The following WDFY2 variants were observed in gnomAD, a reference collection of about 807,000 sequenced individuals.
WDFY2 encodes WD repeat and FYVE domain-containing protein 2.
WDFY2 carries 36 observed loss-of-function variants against 56.4 expected under a neutral mutation model. The observed-to-expected ratio is 0.64, with a 90% CI of 0.49 to 0.84. The LOEUF (loss-of-function observed/expected upper bound fraction) is 0.84. WDFY2 is among the 40% of genes least tolerant of loss of function. The pLI, the probability that WDFY2 is intolerant of heterozygous loss-of-function variation, is 0.00. For missense variants in WDFY2, 444 were observed against 512.2 expected (o/e 0.87, Z 1.29); for synonymous variants, 176 against 183.7 (o/e 0.96, Z 0.34).
intron 6 of WDFY2, among the ~76,000 whole-genome samples, chr13:51,734,211 G>A (rs1952785803): frequency 6.6e-6 from 1 of 151,974 alleles, no homozygotes; most frequent in African/African-American, 2.4e-5. Flanking sequence ...ACTTTTGCAA[G>A]GTATGTGGTA....
chr13:51,683,450 G>A (rs185797133), intron 3 of WDFY2, among the ~76,000 whole-genome samples: 4 of 152,272 alleles, frequency 2.6e-5, no homozygotes, highest in Admixed American at 2.6e-4. Context: ...GTGAACCATG[G>A]TTCCCATGTC....
chr13:51,585,655 GTAT>G (rs1042773867), intron 1 of WDFY2, among the ~76,000 whole-genome samples: 1 of 152,208 alleles, frequency 6.6e-6, no homozygotes, highest in Admixed American at 6.5e-5. Context: ...CTTGAAGATA[GTAT>G]TATGATAATT....
intron 4 of WDFY2, among the ~76,000 whole-genome samples, chr13:51,717,002 A>T (rs1952368481): frequency 6.6e-6 from 1 of 152,230 alleles, no homozygotes; most frequent in African/African-American, 2.4e-5. Flanking sequence ...ATTCCCAGCA[A>T]ACTAGGACTA....
chr13:51,730,252 G>A (rs1030837811), intron 6 of WDFY2, among the ~76,000 whole-genome samples: 1 of 152,062 alleles, frequency 6.6e-6, no homozygotes, highest in African/African-American at 2.4e-5. Context: ...TCGTTATTAC[G>A]CCACTGAAAC....
In WDFY2 at chr13:51,762,033, A is replaced by G. The variant is rs1953600097; in HGVS notation, c.*2264A>G. Reference sequence around the variant, plus strand: ...AGGGAATTAAATTTAAAATATTCAAATATCTATTTTGTAGTTTATTACTAG... The same window carrying G: ...AGGGAATTAAATTTAAAATATTCAAGTATCTATTTTGTAGTTTATTACTAG... On this transcript the variant is annotated 3_prime_UTR_variant, in exon 12 of 12. Coordinates refer to ENST00000298125, the MANE Select transcript of WDFY2 (RefSeq NM_052950.4). 1 of 152,244 alleles carries G rather than the reference A, an allele frequency of 6.6e-6. No individual in the cohort carries two copies. The highest frequency in any genetic ancestry group is 1.5e-5 in the Non-Finnish European group (1 of 68,046). 9.4% of individuals were successfully genotyped at this position (152,244 alleles called of 1,614,324 possible).
At chr13:51,618,651 T>C (rs531311634) in intron 1 of WDFY2, among the ~76,000 whole-genome samples, 3 of 152,228 alleles carry the variant, frequency 2.0e-5, no homozygotes, top group Non-Finnish European at 4.4e-5. Flanking sequence ...TTGTATAAGG[T>C]GAGCCTACCT....
At chr13:51,614,691 T>G (rs1448907926) in intron 1 of WDFY2, among the ~76,000 whole-genome samples, 1 of 152,188 alleles carries the variant, frequency 6.6e-6, no homozygotes, top group African/African-American at 2.4e-5. Flanking sequence ...GACTTCCGCT[T>G]ACATGTCATT....
At chr13:51,609,030 G>A (rs1954438529) in intron 1 of WDFY2, among the ~76,000 whole-genome samples, 1 of 151,910 alleles carries the variant, frequency 6.6e-6, no homozygotes, top group Non-Finnish European at 1.5e-5. Context: ...TGTGTGTGTG[G>A]GTATGTGTGT....
intron 7 of WDFY2, among the ~76,000 whole-genome samples, chr13:51,740,007 C>T (rs1952932025): frequency 6.6e-6 from 1 of 152,222 alleles, no homozygotes. Flanking sequence ...TATTGAGCAA[C>T]CCTTGACAGC....
At chr13:51,606,791 A>G (rs1954391817) in intron 1 of WDFY2, among the ~76,000 whole-genome samples, 1 of 152,134 alleles carries the variant, frequency 6.6e-6, no homozygotes, top group African/African-American at 2.4e-5. Context: ...GACATTTTCC[A>G]GTGTTGTCAC....
intron 2 of WDFY2, among the ~76,000 whole-genome samples, chr13:51,670,309 G>A (rs534958861): frequency 8.6e-5 from 13 of 152,022 alleles, no homozygotes; most frequent in Admixed American, 7.9e-4. Context: ...TTACTCCTCT[G>A]ATCCATAAAA....
chr13:51,669,780 A>C (rs1159136580), intron 2 of WDFY2, among the ~76,000 whole-genome samples: 1 of 152,194 alleles, frequency 6.6e-6, no homozygotes, highest in African/African-American at 2.4e-5. Flanking sequence ...ATATACCATG[A>C]TATATGTGAG....
chr13:51,719,288 G>A lies in WDFY2; in HGVS notation c.425G>A (p.Cys142Tyr), dbSNP rs778023099. The change falls in exon 5 of 12, where the codon TGC becomes TAC. Residue 142 changes from cysteine (C) to tyrosine (Y), a missense_variant. Coordinates refer to ENST00000298125, the MANE Select transcript of WDFY2 (RefSeq NM_052950.4). ...TGQDKQFAWHCSESGQRLGGY... is the reference protein window; with the variant it reads ...TGQDKQFAWHYSESGQRLGGY... ...CAGGACAAGCAATTTGCCTGGCACT[G>A]CTCTGAGAGTGGGCAGCGCCTGGGA... 1 of 1,614,074 alleles carries A rather than the reference G, an allele frequency of 6.2e-7. No individual in the cohort carries two copies. The highest frequency in any genetic ancestry group is 1.7e-5 in the Admixed American group (1 of 60,008).
intron 5 of WDFY2, among the ~76,000 whole-genome samples, chr13:51,727,311 G>A (rs1176378188): frequency 2.0e-5 from 3 of 151,910 alleles, no homozygotes; most frequent in Non-Finnish European, 4.4e-5. Context: ...TATCTGGTAG[G>A]GCTAACCTCC....
chr13:51,598,510 A>G (rs1954199414), intron 1 of WDFY2: 1 of 152,116 alleles, frequency 6.6e-6, no homozygotes. Flanking sequence ...GGCATGCAAC[A>G]AGGATCTTTC....
intron 1 of WDFY2, among the ~76,000 whole-genome samples, chr13:51,596,897 A>G (rs754844395): frequency 1.1e-4 from 17 of 152,234 alleles, no homozygotes; most frequent in Non-Finnish European, 2.4e-4. Flanking sequence ...GCTCAGAATA[A>G]GTTAAAATTC....
chr13:51,721,011 C>T (rs1384561664), intron 5 of WDFY2, among the ~76,000 whole-genome samples: 2 of 151,756 alleles, frequency 1.3e-5, no homozygotes, highest in African/African-American at 2.4e-5. Flanking sequence ...TGTCACTATG[C>T]GTGGTGATGG....
In WDFY2 at chr13:51,741,598, G is replaced by A. The variant is rs543612709; in HGVS notation, c.725+2423G>A. On this transcript the variant is annotated intron_variant, in intron 7 of 11. Transcript: ENST00000298125. ...CAGGCAGGGAACAACTTGCGCAGCC[G>A]CCATTCCTTTACCCTGAAAGTCAGC... Among the ~76,000 whole-genome samples the A allele has an allele frequency of 2.6e-5, 4 of 152,232 alleles. No individual in the cohort carries two copies. In the South Asian group the frequency reaches 6.2e-4, roughly 24 times the overall value.
chr13:51,621,230 C>T (rs1277965344), intron 1 of WDFY2, among the ~76,000 whole-genome samples: 7 of 152,224 alleles, frequency 4.6e-5, no homozygotes, highest in South Asian at 2.1e-4. Flanking sequence ...CTTGGCCGGG[C>T]GCGGTGGCTC....
Sources: allele counts gnomAD v4.1 joint callset (sites outside exome capture counted in the v4.1 genomes callset), GRCh38; gene constraint gnomAD v4.1.1; transcripts MANE v1.5; gene names NCBI Gene and HGNC (gene_info 2026-07-23, HGNC 2026-07-21).